The following RNF220 variants were observed in gnomAD, a reference collection of about 807,000 sequenced individuals.
The protein encoded by RNF220 is ring finger protein 220, also known as E3 ubiquitin-protein ligase RNF220.
RNF220 carries 7 observed loss-of-function variants against 67.1 expected under a neutral mutation model. That is an observed-to-expected ratio of 0.10 (90% CI 0.06 to 0.20). The LOEUF (loss-of-function observed/expected upper bound fraction) is 0.20, where lower values mean the gene tolerates loss of function less well. Ranked by LOEUF, RNF220 falls within the 10% of genes least tolerant of loss-of-function variation. RNF220 has a pLI of 1.00. For synonymous variants in RNF220, 270 were observed against 283.2 expected (o/e 0.95, Z 0.47); for missense variants, 565 against 740.3 (o/e 0.76, Z 2.75).
At chr1:44,646,267 G>A (rs1481763965) in intron 12 of RNF220, among the ~76,000 whole-genome samples, 1 of 152,268 alleles carries the variant, frequency 6.6e-6, no homozygotes, top group Non-Finnish European at 1.5e-5. Flanking sequence ...TTGGAGGCCG[G>A]TGCAGGGCCG....
chr1:44,468,888 G>T (rs925693108), intron 2 of RNF220, among the ~76,000 whole-genome samples: 2 of 151,708 alleles, frequency 1.3e-5, no homozygotes, highest in African/African-American at 2.4e-5. Context: ...CTGCACTCCA[G>T]CCTGGGCAAC....
intron 2 of RNF220, among the ~76,000 whole-genome samples, chr1:44,427,269 C>G (rs1289484139): frequency 6.6e-6 from 1 of 152,168 alleles, no homozygotes. Context: ...GAGAGGGAGA[C>G]CTATGGGTCA....
intron 5 of RNF220, among the ~76,000 whole-genome samples, chr1:44,627,981 G>A (rs1000697718): frequency 6.6e-6 from 1 of 152,210 alleles, no homozygotes; most frequent in Non-Finnish European, 1.5e-5. Flanking sequence ...CAAAGTGCAA[G>A]CCCTGGGAAG....
chr1:44,475,856 A>T (rs1232763077), intron 2 of RNF220, among the ~76,000 whole-genome samples: 1 of 151,228 alleles, frequency 6.6e-6, no homozygotes, highest in Non-Finnish European at 1.5e-5. Flanking sequence ...TATTAAAAAT[A>T]CAAAAATTGG....
chr1:44,607,646 C>A, intron 2 of RNF220, among the ~76,000 whole-genome samples: 1 of 151,678 alleles, frequency 6.6e-6, no homozygotes, highest in Non-Finnish European at 1.5e-5. Context: ...CGCCACCACG[C>A]CCAGCTAATT....
chr1:44,551,360 C>T (rs1662618268), intron 2 of RNF220, among the ~76,000 whole-genome samples: 1 of 152,006 alleles, frequency 6.6e-6, no homozygotes, highest in Non-Finnish European at 1.5e-5. Context: ...TGTGATCCAC[C>T]CGCCTGAGCC....
intron 2 of RNF220, among the ~76,000 whole-genome samples, chr1:44,555,909 C>G (rs1029890165): frequency 6.6e-6 from 1 of 150,878 alleles, no homozygotes; most frequent in Admixed American, 6.6e-5. Flanking sequence ...ATACACCCTT[C>G]TTGAAGCCTT....
At chr1:44,463,271 G>A (rs2147967234) in intron 2 of RNF220, among the ~76,000 whole-genome samples, 1 of 151,740 alleles carries the variant, frequency 6.6e-6, no homozygotes, top group South Asian at 2.1e-4. Context: ...GGAGGCAGAA[G>A]CTGCAGTTAG....
intron 2 of RNF220, among the ~76,000 whole-genome samples, chr1:44,553,616 G>T (rs6700103): frequency 0.02 from 2,976 of 152,252 alleles, 81 homozygotes; most frequent in African/African-American, 0.066. Context: ...ATCAACAGGA[G>T]GAGGCACTTA....
chr1:44,533,229 G>A (rs745691), intron 2 of RNF220, among the ~76,000 whole-genome samples: 31,491 of 152,090 alleles, frequency 0.21, 4,176 homozygotes, highest in Non-Finnish European at 0.3. Context: ...GGTGGCTCAC[G>A]CCTGTAATCC....
chr1:44,558,462 T>G (rs951764404), intron 2 of RNF220, among the ~76,000 whole-genome samples: 2 of 152,244 alleles, frequency 1.3e-5, no homozygotes, highest in Non-Finnish European at 2.9e-5. Flanking sequence ...GACCTCCTAG[T>G]AGGCTTGGGG....
At chr1:44,599,936 A>G (rs1666800499) in intron 2 of RNF220, among the ~76,000 whole-genome samples, 1 of 152,162 alleles carries the variant, frequency 6.6e-6, no homozygotes, top group African/African-American at 2.4e-5. Context: ...TAGGGATGGA[A>G]TAGATTAGAG....
intron 2 of RNF220, among the ~76,000 whole-genome samples, chr1:44,432,576 T>C (rs1650505734): frequency 6.8e-6 from 1 of 147,368 alleles, no homozygotes; most frequent in Non-Finnish European, 1.5e-5. Context: ...GGCCTGTTTG[T>C]CTGTTTAGAA....
In RNF220 at chr1:44,562,598, C is replaced by T. The variant is rs115070041; in HGVS notation, c.626-51567C>T. Among the ~76,000 whole-genome samples, 458 of 152,360 alleles carry T rather than the reference C, an allele frequency of 3.0e-3. 3 individuals carry two copies. Among genetic ancestry groups the T allele is most frequent in the African/African-American group, 0.011 (444 of 41,574 alleles). The stretch of plus-strand genomic sequence containing the variant: ...GTTGTTGCTGCCACCATTTCAGTGT[C>T]TGCCTCAGCCTGAGCAGGTCCCAGA... On this transcript the variant is annotated intron_variant, in intron 2 of 14. Coordinates refer to ENST00000361799, the MANE Select transcript of RNF220 (RefSeq NM_018150.4).
intron 1 of RNF220, chr1:44,408,622 A>C (rs901632578): frequency 2.6e-5 from 4 of 152,208 alleles, no homozygotes; most frequent in African/African-American, 9.6e-5. Context: ...TTATTTATGC[A>C]AAGGAAAAAT....
At chr1:44,440,586 G>T (rs1338451455) in intron 2 of RNF220, among the ~76,000 whole-genome samples, 1 of 152,186 alleles carries the variant, frequency 6.6e-6, no homozygotes, top group East Asian at 1.9e-4. Context: ...TAAGACATTT[G>T]ACCAATATAC....
chr1:44,524,899 C>T (rs1348933287), intron 2 of RNF220, among the ~76,000 whole-genome samples: 1 of 151,972 alleles, frequency 6.6e-6, no homozygotes, highest in Non-Finnish European at 1.5e-5. Flanking sequence ...AGAGAGCTCT[C>T]GTTGAGCTTT....
intron 2 of RNF220, among the ~76,000 whole-genome samples, chr1:44,414,461 T>A (rs766071394): frequency 6.6e-6 from 1 of 152,354 alleles, no homozygotes; most frequent in East Asian, 1.9e-4. Flanking sequence ...TCCATTTTTC[T>A]ATCTTTTTAG....
Position 44,645,596 on chromosome 1 carries a change from G to A in RNF220, c.1445+108G>A, listed in dbSNP as rs1644617483. The A allele has an allele frequency of 2.8e-6, 3 of 1,072,516 alleles. No individual in the cohort carries two copies. The highest frequency in any genetic ancestry group is 3.1e-5 in the African/African-American group (2 of 63,868). 66.4% of individuals were successfully genotyped at this position (1,072,516 alleles called of 1,614,324 possible). A position where few individuals can be genotyped will look rare whatever the true frequency, so the allele number is the denominator to read the frequency against. ...AGGGCTTCTGGCCCTCCCAAGTGCA[G>A]CTCAGTGCTGCTGCCCTGGGCACAC... is the stretch of plus-strand genomic sequence containing the variant. On this transcript the variant is annotated intron_variant, in intron 12 of 14. Transcript: ENST00000361799. The surrounding 1 kb of genome is among the most constrained non-coding windows in gnomAD (Gnocchi z 5.0).
Sources: allele counts gnomAD v4.1 joint callset (sites outside exome capture counted in the v4.1 genomes callset), GRCh38; gene constraint gnomAD v4.1.1; non-coding constraint Gnocchi (gnomAD v3.1); transcripts MANE v1.5; gene names NCBI Gene and HGNC (gene_info 2026-07-23, HGNC 2026-07-21).